Variants in DACH2 observed in about 807,000 individuals in gnomAD.
DACH2 encodes dachshund family transcription factor 2.
In DACH2, 17 loss-of-function variants were observed where a neutral mutation model predicts 35.8. The observed-to-expected ratio is 0.48, with a 90% CI of 0.33 to 0.71. The LOEUF is 0.71. Ranked by LOEUF, DACH2 falls within the 30% of genes least tolerant of loss-of-function variation. The pLI, the probability that DACH2 is intolerant of heterozygous loss-of-function variation, is 0.02. For missense variants in DACH2, 469 were observed against 472.7 expected (o/e 0.99, Z 0.07); for synonymous variants, 195 against 177.3 (o/e 1.10, Z -0.79).
chrX:86,640,088 C>G (rs1434485568), intron 3 of DACH2, among the ~76,000 whole-genome samples: 1 of 111,027 alleles, frequency 9.0e-6, no homozygotes, highest in East Asian at 2.9e-4. Flanking sequence ...GGGCCCCAAG[C>G]ATACTGCAGC....
chrX:86,736,554 C>T (rs1007527658), intron 6 of DACH2, among the ~76,000 whole-genome samples: 4 of 110,664 alleles, frequency 3.6e-5, no homozygotes, highest in African/African-American at 6.5e-5. Context: ...TTTTTGTTAA[C>T]GTTCTTGATA....
chrX:86,611,715 C>A lies in DACH2; in HGVS notation c.641-39321C>A, dbSNP rs150352615. ...TGACAGGGCAGCACTAAATTCAATG[C>A]CAAGTCTCACAATCTCCATGCTGTT... On this transcript the variant is annotated intron_variant, in intron 3 of 11. Coordinates refer to ENST00000373125, the MANE Select transcript of DACH2 (RefSeq NM_053281.3). 9.0e-3 allele frequency among the ~76,000 whole-genome samples: 998 copies of A among 110,906 alleles called. 14 individuals are homozygous for A. The highest frequency in any genetic ancestry group is 0.031 in the African/African-American group (949 of 30,470).
intron 1 of DACH2, among the ~76,000 whole-genome samples, chrX:86,307,954 T>TA (rs1043175996): frequency 4.5e-5 from 5 of 111,582 alleles, no homozygotes; most frequent in African/African-American, 9.8e-5. Context: ...CTCAGGGAGT[T>TA]AAAAAAAGGT....
At chrX:86,202,080 A>C (rs899672257) in intron 1 of DACH2, among the ~76,000 whole-genome samples, 2 of 111,892 alleles carry the variant, frequency 1.8e-5, no homozygotes, top group Non-Finnish European at 3.8e-5. Flanking sequence ...ATTATAAGCT[A>C]CTTTAAGGCA....
intron 3 of DACH2, among the ~76,000 whole-genome samples, chrX:86,639,280 T>C (rs1436655651): frequency 9.0e-6 from 1 of 111,121 alleles, no homozygotes; most frequent in African/African-American, 3.3e-5. Context: ...AGGGAAGTGG[T>C]GAATGAATGA....
chrX:86,181,100 A>T (rs928544226), intron 1 of DACH2, among the ~76,000 whole-genome samples: 2 of 110,814 alleles, frequency 1.8e-5, no homozygotes, highest in Admixed American at 9.7e-5. Context: ...TCATATGATT[A>T]AAAAAACCCC....
intron 1 of DACH2, among the ~76,000 whole-genome samples, chrX:86,208,977 T>C (rs764865836): frequency 1.3e-4 from 15 of 111,717 alleles, no homozygotes; most frequent in South Asian, 7.4e-4. Context: ...TCATGTCTAC[T>C]GTTCATGATT....
At chrX:86,261,695 T>A (rs1242690568) in intron 1 of DACH2, among the ~76,000 whole-genome samples, 1 of 111,296 alleles carries the variant, frequency 9.0e-6, no homozygotes, top group African/African-American at 3.3e-5. Context: ...ATACTTGAAA[T>A]TATAACCATC....
At chrX:86,302,436 A>G (rs6617219) in intron 1 of DACH2, among the ~76,000 whole-genome samples, 17,975 of 111,122 alleles carry the variant, frequency 0.16, 1,372 homozygotes, top group South Asian at 0.34. Flanking sequence ...AAACATTTCC[A>G]TGGGGTAACA....
intron 2 of DACH2, among the ~76,000 whole-genome samples, chrX:86,437,802 G>C (rs1422359916): frequency 9.1e-6 from 1 of 109,651 alleles, no homozygotes; most frequent in Non-Finnish European, 1.9e-5. Context: ...ACCAGTTGTG[G>C]GATTACTGGT....
At chrX:86,650,385 C>G (rs1237895776) in intron 3 of DACH2, among the ~76,000 whole-genome samples, 4 of 111,090 alleles carry the variant, frequency 3.6e-5, no homozygotes, top group Non-Finnish European at 7.6e-5. Context: ...TTCTTCTCCC[C>G]CTCCCTGCTA....
chrX:86,294,451 G>C (rs2034394111), intron 1 of DACH2, among the ~76,000 whole-genome samples: 1 of 110,842 alleles, frequency 9.0e-6, no homozygotes, highest in Non-Finnish European at 1.9e-5. Flanking sequence ...ATCCAGCTTT[G>C]TTCCGTTGCT....
chrX:86,297,210 G>A (rs768476260), intron 1 of DACH2, among the ~76,000 whole-genome samples: 3 of 109,890 alleles, frequency 2.7e-5, no homozygotes, highest in South Asian at 3.9e-4. Context: ...ACCTTCTTAG[G>A]ACATTCTTTT....
At chrX:86,587,198 G>C (rs1424069985) in intron 3 of DACH2, among the ~76,000 whole-genome samples, 1 of 111,173 alleles carries the variant, frequency 9.0e-6, no homozygotes, top group African/African-American at 3.3e-5. Context: ...TTGCGTTTTT[G>C]ATTTGGCTCT....
chrX:86,401,392 CCACTGTCCGGCACT>C (rs1239153371), intron 2 of DACH2, among the ~76,000 whole-genome samples: 1 of 111,996 alleles, frequency 8.9e-6, no homozygotes, highest in Non-Finnish European at 1.9e-5. Flanking sequence ...TGTCCTGCAC[CCACTGTCCGGCACT>C]CCCCAGTGAG....
chrX:86,769,229 A>G (rs1177346279), intron 7 of DACH2, among the ~76,000 whole-genome samples: 1 of 111,912 alleles, frequency 8.9e-6, no homozygotes, highest in African/African-American at 3.2e-5. Context: ...TACGTTAACC[A>G]ACAAGGTAGA....
chrX:86,704,088 C>G (rs140757504), intron 5 of DACH2, among the ~76,000 whole-genome samples: 1,501 of 111,826 alleles, frequency 0.013, 18 homozygotes, highest in Non-Finnish European at 0.024. Context: ...AAAACCAAAA[C>G]AGCATGGTAC....
intron 1 of DACH2, among the ~76,000 whole-genome samples, chrX:86,323,430 C>A (rs886953120): frequency 8.9e-6 from 1 of 111,991 alleles, no homozygotes; most frequent in African/African-American, 3.3e-5. Flanking sequence ...TAGAAAGTCA[C>A]AAAAACAGCA....
rs1038806071 is a variant in DACH2 at position 86,423,643 on chromosome X, T to C, written c.527+46781T>C. Among the ~76,000 whole-genome samples, 5 of 110,471 alleles carry C rather than the reference T, an allele frequency of 4.5e-5. 1 individual carries two copies. Among genetic ancestry groups the C allele is most frequent in the Admixed American group, 9.7e-5 (1 of 10,357 alleles). On this transcript the variant is annotated intron_variant, in intron 2 of 11. Coordinates refer to ENST00000373125, the MANE Select transcript of DACH2 (RefSeq NM_053281.3). ...TCTTCATTGATTGTTTCCTTTACTATGCAGAAGCTTTTTAACTTGATGTGA... is the reference window on the plus strand; with the variant it reads ...TCTTCATTGATTGTTTCCTTTACTACGCAGAAGCTTTTTAACTTGATGTGA...
Sources: gnomAD v4.1 joint callset for allele counts (sites outside exome capture counted in the v4.1 genomes callset) on GRCh38, gnomAD v4.1.1 for gene constraint, MANE v1.5 for transcripts, NCBI Gene and HGNC (gene_info 2026-07-23, HGNC 2026-07-21) for gene names.